The following THEMIS variants were observed in gnomAD, a reference collection of about 807,000 sequenced individuals.
The protein encoded by THEMIS is protein THEMIS.
THEMIS carries 37 observed loss-of-function variants against 52.6 expected under a neutral mutation model. The ratio of observed to expected loss-of-function variants is 0.70; its 90% CI spans 0.54 to 0.93. THEMIS has a LOEUF of 0.93. Ranked by LOEUF, THEMIS falls within the 40% of genes least tolerant of loss-of-function variation. THEMIS has a pLI of 0.00. For synonymous variants in THEMIS, 292 were observed against 272.7 expected (o/e 1.07, Z -0.70); for missense variants, 808 against 763.1 (o/e 1.06, Z -0.69).
At chr6:127,864,371 A>T (rs1779905143) in intron 1 of THEMIS, among the ~76,000 whole-genome samples, 1 of 152,138 alleles carries the variant, frequency 6.6e-6, no homozygotes, top group South Asian at 2.1e-4. Context: ...GATTTACAAG[A>T]GCTGTTTCTT....
chr6:127,705,722 G>A (rs1773790117), downstream of THEMIS, among the ~76,000 whole-genome samples: 2 of 152,124 alleles, frequency 1.3e-5, no homozygotes, highest in African/African-American at 4.8e-5. Flanking sequence ...TCTCAGACCA[G>A]GTGACACAAT....
Position 127,756,655 on chromosome 6 carries a change from G to A in THEMIS, c.1759-36832C>T, listed in dbSNP as rs187953927. On this transcript the variant is annotated intron_variant, in intron 4 of 5. Coordinates refer to ENST00000368248, the MANE Select transcript of THEMIS (RefSeq NM_001010923.3). Reference sequence around the variant, plus strand: ...AGCCTAGAAGGATTACGTCTTTCTAGTATTTTAATATGCAGGTCAAATTAA... The same window carrying A: ...AGCCTAGAAGGATTACGTCTTTCTAATATTTTAATATGCAGGTCAAATTAA... Among the ~76,000 whole-genome samples, 469 of 152,270 alleles carry A rather than the reference G, an allele frequency of 3.1e-3. 2 individuals are homozygous for A. The highest frequency in any genetic ancestry group is 5.8e-3 in the Non-Finnish European group (396 of 68,002).
At chr6:127,821,173 TGA>T (rs34348403) in intron 3 of THEMIS, among the ~76,000 whole-genome samples, 18,067 of 148,722 alleles carry the variant, frequency 0.12, 1,402 homozygotes, top group East Asian at 0.35. Flanking sequence ...TCTGTGTGTG[TGA>T]GAGAGAGAGA....
At chr6:127,718,279 C>T (rs1774240364) in intron 5 of THEMIS, among the ~76,000 whole-genome samples, 1 of 151,832 alleles carries the variant, frequency 6.6e-6, no homozygotes, top group African/African-American at 2.4e-5. Flanking sequence ...TCAAATTGAT[C>T]TAGGAAAGGA....
intron 4 of THEMIS, among the ~76,000 whole-genome samples, chr6:127,766,990 G>A (rs1011431402): frequency 2.6e-5 from 4 of 152,022 alleles, no homozygotes; most frequent in Non-Finnish European, 2.9e-5. Context: ...TTAGCTTACC[G>A]TAACTTTATT....
chr6:127,915,143 GC>G (rs1396170610), intron 1 of THEMIS, among the ~76,000 whole-genome samples: 2 of 151,972 alleles, frequency 1.3e-5, no homozygotes, highest in Non-Finnish European at 2.9e-5. Flanking sequence ...CACTTTTGAA[GC>G]TTTTACTGGG....
At chr6:127,818,649 G>A (rs1467686269) in intron 3 of THEMIS, among the ~76,000 whole-genome samples, 1 of 148,956 alleles carries the variant, frequency 6.7e-6, no homozygotes, top group Admixed American at 6.7e-5. Flanking sequence ...GACAAATCAA[G>A]CATCAAAGCC....
intron 4 of THEMIS, among the ~76,000 whole-genome samples, chr6:127,734,029 G>A (rs571214553): frequency 2.6e-5 from 4 of 152,104 alleles, no homozygotes; most frequent in Admixed American, 6.6e-5. Context: ...GTTCACTTGT[G>A]TCCGTAGGAA....
intron 1 of THEMIS, among the ~76,000 whole-genome samples, chr6:127,913,427 C>G (rs1781454840): frequency 6.6e-6 from 1 of 152,106 alleles, no homozygotes; most frequent in Admixed American, 6.5e-5. Context: ...TGGATGCACT[C>G]AATAGCTCCA....
At chr6:127,760,162 C>A (rs555076694) in intron 4 of THEMIS, among the ~76,000 whole-genome samples, 1 of 146,578 alleles carries the variant, frequency 6.8e-6, no homozygotes, top group South Asian at 2.2e-4. Context: ...ATTATGTATT[C>A]TTGTCATCCT....
chr6:127,840,956 T>C (rs182176404), intron 2 of THEMIS, among the ~76,000 whole-genome samples: 1 of 152,118 alleles, frequency 6.6e-6, no homozygotes, highest in Non-Finnish European at 1.5e-5. Flanking sequence ...GAGAGGGGAA[T>C]GAGTAGGCGG....
At chr6:127,739,057 T>A (rs1313378915) in intron 4 of THEMIS, among the ~76,000 whole-genome samples, 1 of 152,170 alleles carries the variant, frequency 6.6e-6, no homozygotes, top group Non-Finnish European at 1.5e-5. Context: ...ATCTTCACAT[T>A]GACTTTTCTG....
intron 5 of THEMIS, among the ~76,000 whole-genome samples, chr6:127,712,486 C>G (rs1304428828): frequency 1.3e-5 from 2 of 151,988 alleles, no homozygotes; most frequent in South Asian, 4.1e-4. Flanking sequence ...GTTCTAAAAT[C>G]CAAATTGATT....
the THEMIS span, among the ~76,000 whole-genome samples, chr6:127,699,000 A>T: frequency 2.9e-3 from 448 of 152,000 alleles, no homozygotes; most frequent in Non-Finnish European, 5.1e-3. Flanking sequence ...CATTTTTTTT[A>T]AAAAGGCCAA....
chr6:127,888,764 G>A (rs1780719244), intron 1 of THEMIS, among the ~76,000 whole-genome samples: 1 of 151,956 alleles, frequency 6.6e-6, no homozygotes. Context: ...AGGGGTAAAT[G>A]GTAATGTTAG....
chr6:127,848,188 C>T (rs1404704371), intron 2 of THEMIS, among the ~76,000 whole-genome samples: 1 of 147,962 alleles, frequency 6.8e-6, no homozygotes, highest in Non-Finnish European at 1.5e-5. Context: ...GTTTTTTTGT[C>T]CTTGTGATAG....
At chr6:127,826,473 T>G (rs1190937171) in intron 3 of THEMIS, among the ~76,000 whole-genome samples, 1 of 152,128 alleles carries the variant, frequency 6.6e-6, no homozygotes, top group Non-Finnish European at 1.5e-5. Context: ...TGAATTAATT[T>G]TTTACATATC....
In THEMIS at chr6:127,710,082, T is replaced by A. The variant is rs371152021; in HGVS notation, c.1895-66A>T. On this transcript the variant is annotated intron_variant, in intron 5 of 5. Coordinates refer to ENST00000368248, the MANE Select transcript of THEMIS (RefSeq NM_001010923.3). ...GAAAATAACCAGAAAGGAAACTGCCTGCTTTCAAATACTGTCGACACTCAC... is the reference window on the plus strand; with the variant it reads ...GAAAATAACCAGAAAGGAAACTGCCAGCTTTCAAATACTGTCGACACTCAC... The A allele has an allele frequency of 2.6e-6, 3 of 1,153,396 alleles. No individual in the cohort carries two copies. The South Asian group carries it at 4.4e-5, about 17-fold the overall frequency. 71.4% of individuals were successfully genotyped at this position (1,153,396 alleles called of 1,614,324 possible). A position where few individuals can be genotyped will look rare whatever the true frequency, so the allele number is the denominator to read the frequency against.
the THEMIS span, among the ~76,000 whole-genome samples, chr6:127,702,928 G>T: frequency 6.6e-6 from 1 of 151,158 alleles, no homozygotes; most frequent in Non-Finnish European, 1.5e-5. Context: ...CACAACACGT[G>T]GGAATTCAAG....
Sources: allele counts gnomAD v4.1 joint callset (sites outside exome capture counted in the v4.1 genomes callset), GRCh38; gene constraint gnomAD v4.1.1; transcripts MANE v1.5; gene names NCBI Gene and HGNC (gene_info 2026-07-23, HGNC 2026-07-21).